VEPH1: variants seen among roughly 807,000 people sequenced by gnomAD.
VEPH1 encodes ventricular zone expressed PH domain containing 1.
VEPH1 carries 80 observed loss-of-function variants against 85.2 expected under a neutral mutation model. The ratio of observed to expected loss-of-function variants is 0.94; its 90% CI spans 0.78 to 1.13. The LOEUF (loss-of-function observed/expected upper bound fraction) is 1.13, where lower values mean the gene tolerates loss of function less well. Among genes scored for constraint, VEPH1 ranks in the 50% most tolerant of loss-of-function variants. The pLI is 0.00. For synonymous variants in VEPH1, 297 were observed against 348.0 expected (o/e 0.85, Z 1.63); for missense variants, 955 against 980.5 (o/e 0.97, Z 0.35).
chr3:157,281,099 TGTGA>T (rs1182372156), intron 12 of VEPH1, among the ~76,000 whole-genome samples: 9 of 135,666 alleles, frequency 6.6e-5, no homozygotes, highest in Admixed American at 1.4e-4. Flanking sequence ...TGTGTGTGTG[TGTGA>T]GAGAGAGAGA....
intron 8 of VEPH1, among the ~76,000 whole-genome samples, chr3:157,364,027 T>C (rs924733596): frequency 2.0e-5 from 3 of 152,244 alleles, no homozygotes; most frequent in African/African-American, 7.2e-5. Flanking sequence ...CATCTTTGTC[T>C]ACTTTTGCTT....
chr3:157,363,803 C>T (rs1726324423), intron 8 of VEPH1, 42 bp from the exon 9 acceptor site: 1 of 1,580,966 alleles, frequency 6.3e-7, no homozygotes. Context: ...GTTGTGTTAC[C>T]ATTCACTGAC....
At chr3:157,325,773 C>T (rs1721832190) in intron 9 of VEPH1, among the ~76,000 whole-genome samples, 1 of 151,908 alleles carries the variant, frequency 6.6e-6, no homozygotes, top group Admixed American at 6.6e-5. Flanking sequence ...TTGGGTGCCT[C>T]CAGCTTTATT....
chr3:157,459,417 G>A (rs908360216), intron 4 of VEPH1: 3 of 204,530 alleles, frequency 1.5e-5, no homozygotes, highest in Non-Finnish European at 2.7e-5. Context: ...ACAGAGGGTT[G>A]ACGATCAACC....
intron 6 of VEPH1, among the ~76,000 whole-genome samples, chr3:157,385,043 T>G (rs1348148410): frequency 6.6e-6 from 1 of 152,150 alleles, no homozygotes; most frequent in Non-Finnish European, 1.5e-5. Flanking sequence ...TTCTATACTC[T>G]TTTCAGGTAT....
intron 9 of VEPH1, among the ~76,000 whole-genome samples, chr3:157,347,019 T>G (rs1724299831): frequency 6.6e-6 from 1 of 152,170 alleles, no homozygotes; most frequent in African/African-American, 2.4e-5. Flanking sequence ...GAATGCAAAG[T>G]TAAACATAAA....
intron 3 of VEPH1, among the ~76,000 whole-genome samples, chr3:157,468,701 T>C (rs1736625394): frequency 6.6e-6 from 1 of 152,172 alleles, no homozygotes; most frequent in South Asian, 2.1e-4. Flanking sequence ...AAGAAATATA[T>C]TATCAAAATC....
chr3:157,320,657 C>CTTCT (rs946058942), intron 9 of VEPH1, among the ~76,000 whole-genome samples: 7 of 151,970 alleles, frequency 4.6e-5, no homozygotes, highest in African/African-American at 1.7e-4. Context: ...TGGAATGTGG[C>CTTCT]TTCTTTTTCT....
intron 6 of VEPH1, among the ~76,000 whole-genome samples, chr3:157,402,418 A>G (rs1303345109): frequency 6.6e-6 from 1 of 152,192 alleles, no homozygotes; most frequent in African/African-American, 2.4e-5. Flanking sequence ...AATGCTGCCT[A>G]AAGCGGAAGG....
chr3:157,486,225 C>T (rs972673417), intron 2 of VEPH1, among the ~76,000 whole-genome samples: 11 of 152,174 alleles, frequency 7.2e-5, no homozygotes, highest in African/African-American at 2.2e-4. Context: ...AGGCCAGACA[C>T]GGTGGCTTAT....
chr3:157,396,463 A>G (rs1730392205), intron 6 of VEPH1, among the ~76,000 whole-genome samples: 1 of 152,158 alleles, frequency 6.6e-6, no homozygotes, highest in Admixed American at 6.5e-5. Context: ...CCCAGTAATG[A>G]GATTGCTGGG....
At chr3:157,356,051 C>G (rs182667542) in intron 9 of VEPH1, among the ~76,000 whole-genome samples, 3 of 152,110 alleles carry the variant, frequency 2.0e-5, no homozygotes, top group East Asian at 1.9e-4. Context: ...AAGTGCACAT[C>G]ATGGCTGGCT....
intron 5 of VEPH1, among the ~76,000 whole-genome samples, chr3:157,418,046 G>A (rs913655696): frequency 7.2e-5 from 11 of 152,066 alleles, no homozygotes; most frequent in Admixed American, 1.3e-4. Context: ...GTCAACTGTC[G>A]GCATGGCTTG....
At chr3:157,356,591 T>C (rs1300670279) in intron 9 of VEPH1, among the ~76,000 whole-genome samples, 1 of 152,208 alleles carries the variant, frequency 6.6e-6, no homozygotes, top group African/African-American at 2.4e-5. Context: ...CCTTTTCCTC[T>C]GTCTTATCAA....
At chr3:157,361,850 A>T (rs1017492653) in intron 9 of VEPH1, among the ~76,000 whole-genome samples, 1 of 152,170 alleles carries the variant, frequency 6.6e-6, no homozygotes, top group African/African-American at 2.4e-5. Context: ...AAGATATATA[A>T]TTTTTTTAGA....
chr3:157,295,603 G>GCACTTGTGAAGTAATA (rs6148156), intron 11 of VEPH1, among the ~76,000 whole-genome samples: 7 of 151,882 alleles, frequency 4.6e-5, no homozygotes, highest in African/African-American at 1.7e-4. Context: ...GCAGAGAGCT[G>GCACTTGTGAAGTAATA]GTGTTGGAGG....
chr3:157,495,948 C>T (rs1209870247), intron 1 of VEPH1, among the ~76,000 whole-genome samples: 1 of 152,194 alleles, frequency 6.6e-6, no homozygotes, highest in African/African-American at 2.4e-5. Flanking sequence ...AGAACCTGGA[C>T]ACAGAAACCA....
At chr3:157,360,510 A>C (rs958955006) in intron 9 of VEPH1, among the ~76,000 whole-genome samples, 1 of 152,164 alleles carries the variant, frequency 6.6e-6, no homozygotes, top group African/African-American at 2.4e-5. Flanking sequence ...TAACTAGTTA[A>C]TTGTCAAACT....
chr3:157,442,757 G>A, intron 4 of VEPH1: 1 of 1,614,222 alleles, frequency 6.2e-7, no homozygotes, highest in Admixed American at 1.7e-5. Context: ...GAGGAATCCT[G>A]CAGATTGGCC....
Sources: gnomAD v4.1 joint callset for allele counts (sites outside exome capture counted in the v4.1 genomes callset) on GRCh38, gnomAD v4.1.1 for gene constraint, MANE v1.5 for transcripts, NCBI Gene and HGNC (gene_info 2026-07-23, HGNC 2026-07-21) for gene names.